Variants in CLSTN2 observed in about 807,000 individuals in gnomAD.
CLSTN2 encodes calsyntenin 2.
Under a neutral mutation model 101.2 loss-of-function variants are expected in CLSTN2, and 48 were observed. That is an observed-to-expected ratio of 0.47 (90% CI 0.38 to 0.60). The LOEUF is 0.60. CLSTN2 is among the 20% of genes least tolerant of loss of function. The probability of loss-of-function intolerance (pLI) is 0.00; values close to 1 mark genes in which losing one functional copy is unlikely to be tolerated. For synonymous variants in CLSTN2, 481 were observed against 463.6 expected, an observed-to-expected ratio of 1.04 and a Z score of -0.48; for missense variants, 1,160 against 1,238.2, an observed-to-expected ratio of 0.94 and a Z score of 0.95.
At chr3:139,990,946 C>G (rs1936104004) in intron 1 of CLSTN2, among the ~76,000 whole-genome samples, 1 of 152,058 alleles carries the variant, frequency 6.6e-6, no homozygotes, top group Non-Finnish European at 1.5e-5. Flanking sequence ...GCATAGCCAG[C>G]TCATTATATA....
intron 1 of CLSTN2, among the ~76,000 whole-genome samples, chr3:140,129,821 C>A (rs1315633203): frequency 6.6e-6 from 1 of 152,144 alleles, no homozygotes; most frequent in African/African-American, 2.4e-5. Context: ...CCATTCATCA[C>A]CCCTGACTTC....
At chr3:140,447,304 A>G (rs775398752) in intron 5 of CLSTN2, among the ~76,000 whole-genome samples, 10 of 152,254 alleles carry the variant, frequency 6.6e-5, no homozygotes, top group African/African-American at 2.2e-4. Context: ...TCTTCTGCAC[A>G]TAAGTCTGGC....
At chr3:140,020,446 T>C (rs1038900433) in intron 1 of CLSTN2, among the ~76,000 whole-genome samples, 1 of 152,190 alleles carries the variant, frequency 6.6e-6, no homozygotes, top group African/African-American at 2.4e-5. Context: ...CCTACCATCA[T>C]GCATCTCGTC....
intron 8 of CLSTN2, among the ~76,000 whole-genome samples, chr3:140,517,075 T>C (rs1934932586): frequency 6.6e-6 from 1 of 151,954 alleles, no homozygotes; most frequent in Non-Finnish European, 1.5e-5. Context: ...AAAAGCCTTG[T>C]CTTCAATCCC....
At chr3:140,160,344 TG>T (rs1215609217) in intron 1 of CLSTN2, among the ~76,000 whole-genome samples, 2 of 152,152 alleles carry the variant, frequency 1.3e-5, no homozygotes, top group Admixed American at 6.6e-5. Context: ...CACAATTAAT[TG>T]CATTTATCAT....
chr3:140,332,480 T>C (rs2087393625), intron 2 of CLSTN2, among the ~76,000 whole-genome samples: 1 of 152,222 alleles, frequency 6.6e-6, no homozygotes, highest in Non-Finnish European at 1.5e-5. Context: ...GAAATTTCAA[T>C]AATTTTTTCA....
chr3:140,229,372 C>T (rs927489354), intron 2 of CLSTN2, among the ~76,000 whole-genome samples: 3 of 152,172 alleles, frequency 2.0e-5, no homozygotes, highest in African/African-American at 7.2e-5. Context: ...GTCCACTGTT[C>T]CACTCACTGT....
chr3:140,295,422 G>C (rs1310442733), intron 2 of CLSTN2, among the ~76,000 whole-genome samples: 1 of 152,044 alleles, frequency 6.6e-6, no homozygotes, highest in East Asian at 1.9e-4. Context: ...TTACAGAAAG[G>C]CTTCTGCCTT....
At chr3:140,490,476 G>A (rs1640903218) in intron 8 of CLSTN2, among the ~76,000 whole-genome samples, 1 of 151,474 alleles carries the variant, frequency 6.6e-6, no homozygotes, top group African/African-American at 2.4e-5. Context: ...CCACAAAGAA[G>A]GCTCTCATCC....
intron 1 of CLSTN2, among the ~76,000 whole-genome samples, chr3:140,012,038 T>C (rs889871303): frequency 6.6e-6 from 1 of 152,148 alleles, no homozygotes; most frequent in Non-Finnish European, 1.5e-5. Flanking sequence ...CAAAGCTGAC[T>C]GTGGCTGGAG....
intron 2 of CLSTN2, among the ~76,000 whole-genome samples, chr3:140,383,921 T>A (rs564184558): frequency 9.2e-5 from 14 of 152,338 alleles, no homozygotes; most frequent in African/African-American, 3.4e-4. Flanking sequence ...GCACCTGTAA[T>A]ACCAATATCC....
chr3:140,311,952 T>G (rs1023573495), intron 2 of CLSTN2, among the ~76,000 whole-genome samples: 1 of 152,226 alleles, frequency 6.6e-6, no homozygotes, highest in African/African-American at 2.4e-5. Context: ...TCTCTACATG[T>G]GTGTCATCAG....
intron 1 of CLSTN2, among the ~76,000 whole-genome samples, chr3:140,094,528 A>G (rs2008835459): frequency 6.6e-6 from 1 of 152,210 alleles, no homozygotes; most frequent in African/African-American, 2.4e-5. Flanking sequence ...CAAGGAAATG[A>G]ATTTTTATTT....
At chr3:140,295,580 A>G (rs1237207457) in intron 2 of CLSTN2, among the ~76,000 whole-genome samples, 2 of 152,198 alleles carry the variant, frequency 1.3e-5, no homozygotes, top group Admixed American at 6.5e-5. Context: ...TCCCTGAAGT[A>G]TTACACAACT....
rs547843528 is a variant in CLSTN2, at chr3:140,573,871, T to C, written c.*7618T>C. 29 of 152,420 alleles carry C rather than the reference T, an allele frequency of 1.9e-4. No homozygotes were observed. Among genetic ancestry groups the C allele is most frequent in the East Asian group, 1.2e-3 (6 of 5,180 alleles). The allele number at this position is 152,420 out of a possible 1,614,324, so 9.4% of individuals were successfully genotyped here. On this transcript the variant is annotated 3_prime_UTR_variant, in exon 17 of 17. Transcript: ENST00000458420. Reference sequence around the variant, plus strand: ...GAAGGGAGCTGGTACCTCTGGACCATTGAGGCAACACCTCCCCAGAGGCAG... The same window carrying C: ...GAAGGGAGCTGGTACCTCTGGACCACTGAGGCAACACCTCCCCAGAGGCAG...
chr3:140,353,244 T>TATATATATATATATATATGTTTACAC (rs2087631369), intron 2 of CLSTN2, among the ~76,000 whole-genome samples: 1 of 37,068 alleles, frequency 2.7e-5, no homozygotes, highest in African/African-American at 1.2e-4. Flanking sequence ...TGTTTACACA[T>TATATATATATATATATATGTTTACAC]ATATATATAT....
intron 2 of CLSTN2, among the ~76,000 whole-genome samples, chr3:140,390,406 A>G (rs1023501096): frequency 1.3e-5 from 2 of 152,178 alleles, no homozygotes; most frequent in African/African-American, 2.4e-5. Context: ...ACAAATATCT[A>G]AAGTTTTTCT....
chr3:140,198,163 A>T (rs779102860), intron 2 of CLSTN2, among the ~76,000 whole-genome samples: 2 of 152,154 alleles, frequency 1.3e-5, no homozygotes, highest in Non-Finnish European at 2.9e-5. Context: ...GCCATAGTGG[A>T]TGGTTGCTCT....
chr3:139,972,272 A>AG, intron 1 of CLSTN2, among the ~76,000 whole-genome samples: 1 of 152,188 alleles, frequency 6.6e-6, no homozygotes, highest in Non-Finnish European at 1.5e-5. Context: ...TCAAAAAAAA[A>AG]AAAGTTTGAT....
Sources: allele counts gnomAD v4.1 joint callset (sites outside exome capture counted in the v4.1 genomes callset), GRCh38; gene constraint gnomAD v4.1.1; transcripts MANE v1.5; gene names NCBI Gene and HGNC (gene_info 2026-07-23, HGNC 2026-07-21).